THSD7B: variants seen among roughly 807,000 people sequenced by gnomAD.
THSD7B encodes thrombospondin type-1 domain-containing protein 7B.
In THSD7B, 138 loss-of-function variants were observed where a neutral mutation model predicts 213.6. The ratio of observed to expected loss-of-function variants is 0.65; its 90% CI spans 0.56 to 0.74. The LOEUF is 0.74. Among genes scored for constraint, THSD7B ranks in the 30% least tolerant of loss-of-function variants. The pLI, the probability that THSD7B is intolerant of heterozygous loss-of-function variation, is 0.00. For missense variants in THSD7B, 1,931 were observed against 1,991.5 expected (o/e 0.97, Z 0.58); for synonymous variants, 742 against 687.0 (o/e 1.08, Z -1.25).
chr2:136,945,274 T>C (rs1684916678), intron 2 of THSD7B, among the ~76,000 whole-genome samples: 2 of 152,204 alleles, frequency 1.3e-5, no homozygotes, highest in East Asian at 1.9e-4. Flanking sequence ...GAATTGGCTA[T>C]TGAAGCTTGT....
chr2:136,930,829 T>A (rs1364353543), intron 2 of THSD7B, among the ~76,000 whole-genome samples: 1 of 150,356 alleles, frequency 6.7e-6, no homozygotes, highest in Non-Finnish European at 1.5e-5. Flanking sequence ...TAGGAAATAA[T>A]CAATTATTAT....
At chr2:137,662,376 C>T (rs2104822835) in intron 25 of THSD7B, among the ~76,000 whole-genome samples, 1 of 151,300 alleles carries the variant, frequency 6.6e-6, no homozygotes, top group East Asian at 1.9e-4. Flanking sequence ...AGCCACAGCG[C>T]CCGGCCAGGT....
intron 20 of THSD7B, among the ~76,000 whole-genome samples, chr2:137,626,933 T>G (rs1468119931): frequency 6.6e-6 from 1 of 152,226 alleles, no homozygotes; most frequent in African/African-American, 2.4e-5. Context: ...CATTTTGAAT[T>G]GCTATAACAG....
chr2:137,374,666 A>G (rs569163493), intron 12 of THSD7B, among the ~76,000 whole-genome samples: 4 of 152,312 alleles, frequency 2.6e-5, no homozygotes, highest in South Asian at 2.1e-4. Flanking sequence ...ATAATTATGC[A>G]TAAGTGCTTG....
intron 1 of THSD7B, among the ~76,000 whole-genome samples, chr2:136,875,193 A>C (rs1336096821): frequency 1.3e-5 from 2 of 152,184 alleles, no homozygotes; most frequent in Non-Finnish European, 1.5e-5. Flanking sequence ...AGGCCATGGC[A>C]GGCTGATCAC....
At chr2:136,926,719 C>CA (rs1684534234) in intron 2 of THSD7B, among the ~76,000 whole-genome samples, 2 of 150,650 alleles carry the variant, frequency 1.3e-5, no homozygotes, top group South Asian at 2.1e-4. Context: ...AAAAAAAACA[C>CA]AAAAAACAGT....
intron 12 of THSD7B, among the ~76,000 whole-genome samples, chr2:137,282,504 C>T: frequency 6.6e-6 from 1 of 152,038 alleles, no homozygotes; most frequent in Non-Finnish European, 1.5e-5. Context: ...AATGGTATTG[C>T]CTAGGTTTTT....
chr2:136,953,403 A>G (rs1186142718), intron 2 of THSD7B, among the ~76,000 whole-genome samples: 4 of 152,198 alleles, frequency 2.6e-5, no homozygotes, highest in Admixed American at 1.3e-4. Flanking sequence ...ACTTCTCCTC[A>G]TATGAGGCTG....
intron 2 of THSD7B, among the ~76,000 whole-genome samples, chr2:136,908,384 A>G (rs1358536084): frequency 6.6e-6 from 1 of 152,242 alleles, no homozygotes; most frequent in East Asian, 1.9e-4. Flanking sequence ...TCCATATATT[A>G]CATCTGAGGA....
At chr2:137,287,833 A>G (rs1456726418) in intron 12 of THSD7B, among the ~76,000 whole-genome samples, 1 of 152,100 alleles carries the variant, frequency 6.6e-6, no homozygotes, top group Non-Finnish European at 1.5e-5. Flanking sequence ...AACTGGTAGT[A>G]AGAAATTTCT....
chr2:137,080,782 A>T (rs1687732539), intron 3 of THSD7B, among the ~76,000 whole-genome samples: 1 of 151,978 alleles, frequency 6.6e-6, no homozygotes, highest in Non-Finnish European at 1.5e-5. Flanking sequence ...TATTTACGTT[A>T]TTCTTCTAGT....
intron 12 of THSD7B, among the ~76,000 whole-genome samples, chr2:137,357,189 AC>A (rs1301602870): frequency 6.6e-6 from 1 of 152,218 alleles, no homozygotes; most frequent in Non-Finnish European, 1.5e-5. Context: ...AAGGAAAGTC[AC>A]TTTTAAGGAA....
At chr2:137,225,717 A>AT (rs1180699633) in intron 7 of THSD7B, among the ~76,000 whole-genome samples, 1 of 152,096 alleles carries the variant, frequency 6.6e-6, no homozygotes, top group Non-Finnish European at 1.5e-5. Flanking sequence ...TGCTATTGTT[A>AT]TTTTACTGCA....
At chr2:137,003,249 A>G (rs144176201) in intron 2 of THSD7B, among the ~76,000 whole-genome samples, 3 of 152,344 alleles carry the variant, frequency 2.0e-5, no homozygotes, top group African/African-American at 7.2e-5. Flanking sequence ...TGATTGTCTC[A>G]GAGTCCTGCT....
chr2:137,225,477 C>G (rs1681475697), intron 7 of THSD7B, among the ~76,000 whole-genome samples: 1 of 152,142 alleles, frequency 6.6e-6, no homozygotes, highest in Non-Finnish European at 1.5e-5. Context: ...AGCAACACAA[C>G]CCCAATGGAT....
intron 1 of THSD7B, among the ~76,000 whole-genome samples, chr2:136,832,732 C>G (rs1057210194): frequency 6.6e-6 from 1 of 152,112 alleles, no homozygotes; most frequent in East Asian, 1.9e-4. Flanking sequence ...TTGCATATAG[C>G]ATATAACAAG....
At chr2:137,017,984 CTT>C (rs557685032) in intron 2 of THSD7B, among the ~76,000 whole-genome samples, 2 of 140,264 alleles carry the variant, frequency 1.4e-5, no homozygotes, top group Admixed American at 7.2e-5. Flanking sequence ...TTTGTCTTCC[CTT>C]TTTTTTTTTT....
intron 2 of THSD7B, among the ~76,000 whole-genome samples, chr2:137,015,027 T>C (rs1213805313): frequency 6.6e-6 from 1 of 152,120 alleles, no homozygotes; most frequent in Non-Finnish European, 1.5e-5. Context: ...TTCTGTTTCC[T>C]TAAATTCATT....
chr2:136,944,642 C>A (rs1684897494), intron 2 of THSD7B, among the ~76,000 whole-genome samples: 2 of 151,598 alleles, frequency 1.3e-5, no homozygotes, highest in Admixed American at 1.3e-4. Flanking sequence ...TATGTAATGG[C>A]CTTCTTTGTC....
Sources: allele counts gnomAD v4.1 joint callset (sites outside exome capture counted in the v4.1 genomes callset), GRCh38; gene constraint gnomAD v4.1.1; transcripts MANE v1.5; gene names NCBI Gene and HGNC (gene_info 2026-07-23, HGNC 2026-07-21).